The following KCTD1 variants were observed in gnomAD, a reference collection of about 807,000 sequenced individuals.
KCTD1 encodes BTB/POZ domain-containing protein KCTD1.
In KCTD1, 24 loss-of-function variants were observed where a neutral mutation model predicts 66.0. The observed-to-expected ratio is 0.36, with a 90% CI of 0.26 to 0.51. The LOEUF is 0.51. Among genes scored for constraint, KCTD1 ranks in the 20% least tolerant of loss-of-function variants. The probability of loss-of-function intolerance (pLI) is 0.95; values close to 1 mark genes in which losing one functional copy is unlikely to be tolerated. For synonymous variants in KCTD1, 511 were observed against 517.2 expected (o/e 0.99, Z 0.16); for missense variants, 943 against 1,205.2 (o/e 0.78, Z 3.22).
Position 26,547,019 on chromosome 18 carries a change from C to G in KCTD1, c.1518G>C (p.Gln506His). 13 of 1,007,564 alleles carry G rather than the reference C, an allele frequency of 1.3e-5. No homozygotes were observed. The highest frequency in any genetic ancestry group is 1.6e-5 in the Non-Finnish European group (13 of 820,090). 62.4% of individuals were successfully genotyped at this position (1,007,564 alleles called of 1,614,324 possible). A position where few individuals can be genotyped will look rare whatever the true frequency, so the allele number is the denominator to read the frequency against. ...PTHPSHHHRP[Q>H]PPSLGNTYIL... The stretch of plus-strand genomic sequence containing the variant: ...TGTAAGTGTTCCCCAGCGAGGGCGG[C>G]TGGGGGCGGTGGTGGTGGGAGGGAT... Residue 506 changes from glutamine (Q) to histidine (H), a missense_variant, in exon 1 of 5, where the codon CAG (glutamine) becomes CAC (histidine). Around this residue, in one of 10 missense-constraint regions of KCTD1, gnomAD observed 197 missense variants for 182.7 expected, o/e 1.08. Coordinates refer to ENST00000580059, the MANE Select transcript of KCTD1 (RefSeq NM_001142730.3).
chr18:26,529,596 C>T (rs750493952), intron 1 of KCTD1, among the ~76,000 whole-genome samples: 14 of 152,110 alleles, frequency 9.2e-5, no homozygotes, highest in East Asian at 1.9e-4. Context: ...AGAAACTAAC[C>T]GTTGAAGAAA....
At position 26,548,263 on chromosome 18, in the gene KCTD1, C is replaced by G; in HGVS notation, c.274G>C (p.Glu92Gln). 6.6e-7 allele frequency: 1 copy of G among 1,514,692 alleles called. No homozygotes were observed. Among genetic ancestry groups the G allele is most frequent in the African/African-American group, 1.4e-5 (1 of 72,372 alleles). 93.8% of individuals were successfully genotyped at this position (1,514,692 alleles called of 1,614,324 possible). The change falls in exon 1 of 5, where the codon GAG becomes CAG. Residue 92 changes from glutamate (E) to glutamine (Q), a missense_variant. Coordinates refer to ENST00000580059, the MANE Select transcript of KCTD1 (RefSeq NM_001142730.3). ...TCCAGCCCCATCTCCTCCTCTTCCT[C>G]CTCCTCCTCGTCCTCCTCCAGCCCC... ...GGGLEEDEEE[E>Q]EEEEMGLDWD...
chr18:26,629,029 G>T, intron 1 of KCTD1: 1 of 243,198 alleles, frequency 4.1e-6, no homozygotes, highest in Non-Finnish European at 6.6e-6. Flanking sequence ...TACAGTCTCA[G>T]GGAGTTTAAG....
At chr18:26,473,989 TG>T (rs1354554899) in intron 3 of KCTD1, among the ~76,000 whole-genome samples, 1 of 152,250 alleles carries the variant, frequency 6.6e-6, no homozygotes, top group African/African-American at 2.4e-5. Flanking sequence ...TTCAAAATCC[TG>T]AAGGAGAAGA....
intron 1 of KCTD1, among the ~76,000 whole-genome samples, chr18:26,563,254 G>A (rs1263939699): frequency 6.6e-6 from 1 of 152,180 alleles, no homozygotes; most frequent in Non-Finnish European, 1.5e-5. Context: ...TCCAGGCTGA[G>A]TTTAGTCTCT....
chr18:26,630,631 A>G (rs374818464), upstream of KCTD1, among the ~76,000 whole-genome samples: 5 of 152,198 alleles, frequency 3.3e-5, no homozygotes, highest in East Asian at 9.6e-4. Context: ...CACTGTGCCC[A>G]GCCCACGTCT....
intron 3 of KCTD1, among the ~76,000 whole-genome samples, chr18:26,461,298 A>G (rs1387854473): frequency 6.6e-6 from 1 of 152,182 alleles, no homozygotes; most frequent in Non-Finnish European, 1.5e-5. Flanking sequence ...ATATAAAGAA[A>G]CTCAGATCAG....
chr18:26,585,002 A>G (rs1431841793), intron 1 of KCTD1, among the ~76,000 whole-genome samples: 1 of 152,092 alleles, frequency 6.6e-6, no homozygotes, highest in African/African-American at 2.4e-5. Context: ...TCTAGATTGC[A>G]AGGAGCCCTC....
At chr18:26,519,522 C>T (rs1216678652) in intron 1 of KCTD1, among the ~76,000 whole-genome samples, 4 of 152,164 alleles carry the variant, frequency 2.6e-5, no homozygotes, top group Non-Finnish European at 5.9e-5. Context: ...CGACACTTAA[C>T]GTTCTGGCCT....
chr18:26,622,227 A>G (rs1987402019), intron 1 of KCTD1, among the ~76,000 whole-genome samples: 1 of 152,246 alleles, frequency 6.6e-6, no homozygotes, highest in Non-Finnish European at 1.5e-5. Flanking sequence ...ACCAAGTTGT[A>G]AGAACTCACG....
intron 1 of KCTD1, among the ~76,000 whole-genome samples, chr18:26,532,020 T>C (rs1055486469): frequency 2.0e-5 from 3 of 152,152 alleles, no homozygotes; most frequent in African/African-American, 4.8e-5. Context: ...AGAGTGGTAG[T>C]TGGAAGGAAA....
intron 1 of KCTD1, among the ~76,000 whole-genome samples, chr18:26,648,892 T>C (rs1263685691): frequency 1.3e-5 from 2 of 152,224 alleles, no homozygotes; most frequent in Non-Finnish European, 2.9e-5. Flanking sequence ...TCTTAGGTGA[T>C]GGATGAGGAT....
chr18:26,605,730 A>C (rs867691604), intron 1 of KCTD1, among the ~76,000 whole-genome samples: 15 of 109,954 alleles, frequency 1.4e-4, no homozygotes, highest in African/African-American at 4.7e-4. Flanking sequence ...CTCTATATCT[A>C]TCTATCTATC....
intron 1 of KCTD1, among the ~76,000 whole-genome samples, chr18:26,527,149 C>T (rs757218722): frequency 1.3e-5 from 2 of 152,246 alleles, no homozygotes; most frequent in Admixed American, 6.5e-5. Flanking sequence ...AAGGGCCATA[C>T]ACATCCTCAC....
At position 26,459,672 on chromosome 18, in the gene KCTD1, G is replaced by A. The variant is rs140495734; in HGVS notation, c.2387C>T (p.Thr796Met). The A allele has an allele frequency of 1.8e-5, 29 of 1,612,152 alleles. No individual in the cohort carries two copies. Among genetic ancestry groups the A allele is most frequent in the East Asian group, 1.3e-4 (6 of 44,828 alleles). The change falls in exon 4 of 5, where the codon ACG (threonine) becomes ATG (methionine). Residue 796 changes from threonine (T) to methionine (M), a missense_variant. Thr to Met is a moderately conservative substitution (Grantham distance 81). Coordinates refer to ENST00000580059, the MANE Select transcript of KCTD1 (RefSeq NM_001142730.3). ...ATTTAGTGGAAACCTGATGACGTGC[G>A]TCGAGTCGTGATTCCAGCCTGCATT... is the stretch of plus-strand genomic sequence containing the variant. ...SVNAGWNHDS[T>M]HVIRFPLNGY...
At chr18:26,581,788 T>G (rs1345603928) in intron 1 of KCTD1, 2 of 152,028 alleles carry the variant, frequency 1.3e-5, no homozygotes, top group African/African-American at 4.8e-5. Context: ...ACACAACACC[T>G]AGGGAGCTAT....
At chr18:26,550,880 C>G (rs1309883423), upstream of KCTD1, among the ~76,000 whole-genome samples, 3 of 152,220 alleles carry the variant, frequency 2.0e-5, no homozygotes, top group South Asian at 2.1e-4. The surrounding 1 kb of genome is among the most constrained non-coding windows in gnomAD (Gnocchi z 5.4). Flanking sequence ...GTTTTCGGGC[C>G]GCGGTGCGGA....
chr18:26,543,662 CA>C, intron 1 of KCTD1: 1 of 152,256 alleles, frequency 6.6e-6, no homozygotes, highest in East Asian at 1.9e-4. Flanking sequence ...AAAACACAAA[CA>C]GGGGATGTGT....
chr18:26,514,467 G>A (rs1027065884), intron 1 of KCTD1, among the ~76,000 whole-genome samples: 18 of 149,882 alleles, frequency 1.2e-4, no homozygotes, highest in South Asian at 4.3e-4. Context: ...GGAGGACTAC[G>A]TAAGCCCAGG....
Sources: allele counts gnomAD v4.1 joint callset (sites outside exome capture counted in the v4.1 genomes callset), GRCh38; gene constraint gnomAD v4.1.1; regional missense constraint gnomAD v4.1.1; non-coding constraint Gnocchi (gnomAD v3.1); transcripts MANE v1.5; gene names NCBI Gene and HGNC (gene_info 2026-07-23, HGNC 2026-07-21).